LMTK3: variants seen among roughly 807,000 people sequenced by gnomAD.
LMTK3 encodes serine/threonine-protein kinase LMTK3.
A neutral mutation model predicts 116.7 loss-of-function variants in LMTK3; 27 were observed. The observed-to-expected ratio is 0.23, with a 90% CI of 0.17 to 0.32. LMTK3 has a LOEUF of 0.32. LMTK3 is among the 10% of genes least tolerant of loss of function. LMTK3 has a pLI of 1.00. For synonymous variants in LMTK3, 965 were observed against 971.0 expected (o/e 0.99, Z 0.11); for missense variants, 1,764 against 2,068.5 (o/e 0.85, Z 2.86).
At chr19:48,501,623 G>A in intron 7 of LMTK3, 61 bp from the exon 8 acceptor site, 2 of 1,493,828 alleles carry the variant, frequency 1.3e-6, no homozygotes, top group Non-Finnish European at 9.0e-7. Flanking sequence ...CCCTGACCCC[G>A]CCCTTTCACA....
chr19:48,493,605 G>A, intron 12 of LMTK3, 89 bp downstream of exon 12: 1 of 1,278,018 alleles, frequency 7.8e-7, no homozygotes, highest in Non-Finnish European at 1.0e-6. Context: ...CCAACTCTAA[G>A]CTCGGCCTCC....
chr19:48,503,499 C>T (rs1014602544), intron 5 of LMTK3, among the ~76,000 whole-genome samples: 17 of 152,168 alleles, frequency 1.1e-4, no homozygotes, highest in African/African-American at 4.1e-4. Context: ...TCTCCTTCCT[C>T]CTTACACCTC....
chr19:48,510,309 C>G, intron 2 of LMTK3, 136 bp from the exon 3 acceptor site: 2 of 1,407,082 alleles, frequency 1.4e-6, no homozygotes, highest in Non-Finnish European at 1.9e-6. Context: ...CCCCCATTTC[C>G]CCATCCCAAG....
chr19:48,505,659 C>T (rs1007292327), intron 5 of LMTK3, among the ~76,000 whole-genome samples: 3 of 151,940 alleles, frequency 2.0e-5, no homozygotes, highest in Non-Finnish European at 2.9e-5. Flanking sequence ...GTCAGGAGTT[C>T]GAGACCAGCC....
Position 48,497,301 on chromosome 19 carries a change from A to G in LMTK3, c.3676+92T>C. Reference sequence around the variant, plus strand: ...TTCAGGACCTGCATTCATCACTGCCAGCCCGACCCGACATGTTTACCCACA... The same window carrying G: ...TTCAGGACCTGCATTCATCACTGCCGGCCCGACCCGACATGTTTACCCACA... On this transcript the variant is annotated intron_variant, in intron 11 of 14. Transcript: ENST00000600059. This position sits in a 1 kb window ranked among gnomAD's most constrained non-coding sequence, Gnocchi z 5.7. The G allele has an allele frequency of 7.5e-7, 1 of 1,332,758 alleles. No individual in the cohort carries two copies. The highest frequency in any genetic ancestry group is 9.7e-7 in the Non-Finnish European group (1 of 1,026,996). 82.6% of individuals were successfully genotyped at this position (1,332,758 alleles called of 1,614,324 possible). A position where few individuals can be genotyped will look rare whatever the true frequency, so the allele number is the denominator to read the frequency against.
chr19:48,492,744 A>T (rs1253806631), intron 12 of LMTK3, among the ~76,000 whole-genome samples: 3 of 151,852 alleles, frequency 2.0e-5, no homozygotes, highest in Non-Finnish European at 4.4e-5. Flanking sequence ...CCTCTTCTCA[A>T]CACTTCCTCC....
In LMTK3 at chr19:48,509,468, AG is replaced by A; in HGVS notation, c.406del (p.Leu136CysfsTer12). The A allele has an allele frequency of 6.4e-7, 1 of 1,560,192 alleles. No individual in the cohort carries two copies. The highest frequency in any genetic ancestry group is 1.9e-5 in the Admixed American group (1 of 52,794). On this transcript the variant is annotated frameshift_variant, in exon 4 of 15. Transcript: ENST00000600059. LOFTEE classifies it high-confidence loss of function. ...LGLSRQHLSY[L>X]QEIGSGWFGK... is the part of the protein sequence containing the mutation. ...AAACCAGCCACTCCCAATCTCCTGC[AG>A]GTAGCTCAGGTGCTGCCGGCTAAGG...
chr19:48,492,110 G>A (rs1035799095), intron 12 of LMTK3, among the ~76,000 whole-genome samples: 1 of 151,790 alleles, frequency 6.6e-6, no homozygotes, highest in African/African-American at 2.4e-5. Context: ...AGCCCAGTAT[G>A]CCCGCCCCAG....
In LMTK3 at chr19:48,500,116, G is replaced by C. The variant is rs1972436817; in HGVS notation, c.1152-199C>G. Among the ~76,000 whole-genome samples, 6 of 151,954 alleles carry C rather than the reference G, an allele frequency of 3.9e-5. No individual in the cohort carries two copies. The South Asian group carries it at 1.2e-3, about 32-fold the overall frequency. On this transcript the variant is annotated intron_variant, in intron 10 of 14. Transcript: ENST00000600059. This position sits in a 1 kb window ranked among gnomAD's most constrained non-coding sequence, Gnocchi z 4.0. ...ACAGAGATCCAGAGACAGAGGGACA[G>C]AGACCCAGAGAGAGAGGGACAGAGA...
At position 48,509,602 on chromosome 19, in the gene LMTK3, AGCAGACATCACTCTCTTTTCATTG is replaced by A. The variant is rs1972624916; in HGVS notation, c.362-113_362-90del. The stretch of plus-strand genomic sequence containing the variant: ...CCCAGGTCAGTGGGGACTGAGACAG[AGCAGACATCACTCTCTTTTCATTG>A]GCTGCCACCCACATTCCATGTCAGA... On this transcript the variant is annotated intron_variant, in intron 3 of 14. Transcript: ENST00000600059. 3 of 1,064,630 alleles carry A rather than the reference AGCAGACATCACTCTCTTTTCATTG, an allele frequency of 2.8e-6. No homozygotes were observed. In the African/African-American group the frequency reaches 4.8e-5, roughly 17 times the overall value. 65.9% of individuals were successfully genotyped at this position (1,064,630 alleles called of 1,614,324 possible). A position where few individuals can be genotyped will look rare whatever the true frequency, so the allele number is the denominator to read the frequency against.
upstream of LMTK3, among the ~76,000 whole-genome samples, chr19:48,512,242 G>A (rs563038401): frequency 5.9e-5 from 9 of 152,232 alleles, no homozygotes; most frequent in South Asian, 4.1e-4. Flanking sequence ...ATCAGCAGAC[G>A]GGGACACGTA....
At chr19:48,506,140 G>GAA (rs541945051) in intron 5 of LMTK3, among the ~76,000 whole-genome samples, 3 of 113,250 alleles carry the variant, frequency 2.6e-5, no homozygotes, top group Non-Finnish European at 1.8e-5. Context: ...GACTTCATCT[G>GAA]AAAAAAAAAA....
rs775284221 is a variant in LMTK3 at position 48,485,769 on chromosome 19, G to C, written c.*4C>G. On this transcript the variant is annotated 3_prime_UTR_variant, in exon 15 of 15. Coordinates refer to ENST00000600059, the MANE Select transcript of LMTK3 (RefSeq NM_001388485.1). ...GGGTGCAGCGGGGTCGGGTCTTCGGGGAATCAATTCTCCACGGGGCCTGAG... is the reference window on the plus strand; with the variant it reads ...GGGTGCAGCGGGGTCGGGTCTTCGGCGAATCAATTCTCCACGGGGCCTGAG... The C allele has an allele frequency of 6.2e-7, 1 of 1,610,850 alleles. No homozygotes were observed. The highest frequency in any genetic ancestry group is 1.1e-5 in the South Asian group (1 of 90,480).
intron 11 of LMTK3, among the ~76,000 whole-genome samples, chr19:48,495,281 A>G (rs1972305640): frequency 2.0e-5 from 3 of 152,082 alleles, no homozygotes. Context: ...AAGTGCTGGG[A>G]TTACAGGTGT....
At chr19:48,509,938 G>A (rs1323247326) in intron 3 of LMTK3, 85 bp downstream of exon 3, 11 of 1,489,038 alleles carry the variant, frequency 7.4e-6, no homozygotes, top group South Asian at 2.6e-5. Flanking sequence ...GGTCTCAACC[G>A]CCCCAGCCCC....
chr19:48,485,558 G>C lies in LMTK3; in HGVS notation c.*215C>G. ...TCCTGCCTCATTTGGCTCCGAGGGG[G>C]TCAGGGGGGTCAGGGGAGCCATCTG... On this transcript the variant is annotated 3_prime_UTR_variant, in exon 15 of 15. Transcript: ENST00000600059. The C allele has an allele frequency of 5.2e-6, 3 of 575,860 alleles. No individual in the cohort carries two copies. Among genetic ancestry groups the C allele is most frequent in the Non-Finnish European group, 9.3e-6 (3 of 324,308 alleles). The allele number at this position is 575,860 out of a possible 1,614,324, so 35.7% of individuals were successfully genotyped here.
At chr19:48,502,359 G>GCCCCCCCCCCCAGGCCCCACCCCCCTCC in intron 7 of LMTK3, 74 bp downstream of exon 7, 1 of 1,418,714 alleles carries the variant, frequency 7.0e-7, no homozygotes, top group Non-Finnish European at 9.6e-7. Context: ...CCCCCCTCTA[G>GCCCCCCCCCCCAGGCCCCACCCCCCTCC]CCCCTCCCCT....
chr19:48,498,258 T>C lies in LMTK3; in HGVS notation c.2811A>G (p.Pro937=), dbSNP rs2147542674. 1 of 1,613,446 alleles carries C rather than the reference T, an allele frequency of 6.2e-7. No individual in the cohort carries two copies. Among genetic ancestry groups the C allele is most frequent in the South Asian group, 1.1e-5 (1 of 91,080 alleles). ...TCTCCGCCGCCTTCTCCTCGATGCC[T>C]GGGGCTCTCTGGTCCCCGTTCTCCA... is the stretch of plus-strand genomic sequence containing the variant. ...TVLENGDQRA[P]GIEEKAAENG... is the part of the protein sequence containing the mutation. Residue 937 remains proline (P), a synonymous_variant, in exon 11 of 15, where the codon CCA becomes CCG. Coordinates refer to ENST00000600059, the MANE Select transcript of LMTK3 (RefSeq NM_001388485.1).
intron 1 of LMTK3, among the ~76,000 whole-genome samples, chr19:48,511,094 C>T (rs1271611256): frequency 6.6e-6 from 1 of 152,176 alleles, no homozygotes; most frequent in South Asian, 2.1e-4. Flanking sequence ...TCTCTATCCC[C>T]AGCCCAAGAC....
Sources: allele counts gnomAD v4.1 joint callset (sites outside exome capture counted in the v4.1 genomes callset), GRCh38; gene constraint gnomAD v4.1.1; non-coding constraint Gnocchi (gnomAD v3.1); transcripts MANE v1.5; gene names NCBI Gene and HGNC (gene_info 2026-07-23, HGNC 2026-07-21).